Variants in ZNF721 observed in about 807,000 individuals in gnomAD.
The protein encoded by ZNF721 is zinc finger protein 721.
ZNF721 carries 2 observed loss-of-function variants against 2.4 expected under a neutral mutation model. The observed-to-expected ratio is 0.82, with a 90% confidence interval of 0.34 to 2.58. The LOEUF is 2.58. ZNF721 is among the 30% of genes most tolerant of loss of function. ZNF721 has a pLI of 0.11. For missense variants in ZNF721, 1,187 were observed against 1,085.5 expected (o/e 1.09, Z -1.31); for synonymous variants, 398 against 381.8 (o/e 1.04, Z -0.50).
At chr4:485,379 G>A (rs550249363) in intron 1 of ZNF721, among the ~76,000 whole-genome samples, 108 of 151,806 alleles carry the variant, frequency 7.1e-4, no homozygotes, top group African/African-American at 2.4e-3. Flanking sequence ...TATTCACCAC[G>A]GTCAGGCCAC....
At chr4:466,278 G>A (rs1553866764) in intron 2 of ZNF721, among the ~76,000 whole-genome samples, 1 of 152,168 alleles carries the variant, frequency 6.6e-6, no homozygotes, top group East Asian at 1.9e-4. Flanking sequence ...ATGTAATCCA[G>A]TACCTTTACT....
intron 1 of ZNF721, among the ~76,000 whole-genome samples, chr4:498,552 A>C (rs1026823436): frequency 6.6e-5 from 10 of 152,206 alleles, no homozygotes; most frequent in Non-Finnish European, 1.3e-4. Context: ...TTCAGCTCTA[A>C]TAAAAGAATG....
rs1248027472 is a variant in ZNF721, at chr4:440,044, G to A, written c.*1651C>T. 6.6e-6 allele frequency: 1 copy of A among 151,700 alleles called. No homozygotes were observed. The highest frequency in any genetic ancestry group is 1.5e-5 in the Non-Finnish European group (1 of 67,946). 9.4% of individuals were successfully genotyped at this position (151,700 alleles called of 1,614,324 possible). ...ATTAAGTTCACACATTATCTTAAGA[G>A]AATTTTAAAATTTACTGCATTTTAT... On this transcript the variant is annotated 3_prime_UTR_variant, in exon 3 of 3. Coordinates refer to ENST00000511833, the MANE Select transcript of ZNF721 (RefSeq NM_133474.4).
chr4:489,130 T>C (rs1715965481), intron 1 of ZNF721, among the ~76,000 whole-genome samples: 1 of 152,180 alleles, frequency 6.6e-6, no homozygotes, highest in Admixed American at 6.5e-5. Flanking sequence ...ATTTTGGTTT[T>C]AGCTTCACCC....
chr4:455,482 G>C (rs925625276), intron 2 of ZNF721, among the ~76,000 whole-genome samples: 1 of 152,128 alleles, frequency 6.6e-6, no homozygotes, highest in African/African-American at 2.4e-5. Flanking sequence ...CAGGAGAATC[G>C]TTTGAATCTG....
chr4:490,639 C>G (rs538031170), intron 1 of ZNF721, among the ~76,000 whole-genome samples: 4 of 152,184 alleles, frequency 2.6e-5, no homozygotes, highest in Admixed American at 2.0e-4. Flanking sequence ...GTGTCCTACT[C>G]AAAACACCAC....
Position 472,688 on chromosome 4 carries a change from A to G in ZNF721, c.-80T>C, listed in dbSNP as rs1302196928. 6.2e-7 allele frequency: 1 copy of G among 1,612,460 alleles called. No homozygotes were observed. The highest frequency in any genetic ancestry group is 1.3e-5 in the African/African-American group (1 of 74,786). ...AGAGAATTCTATGGCCACATCCCTG[A>G]ATGTTAAGGGTTCCTGAAAATACAT... On this transcript the variant is annotated 5_prime_UTR_variant, in exon 2 of 3. Coordinates refer to ENST00000511833, the MANE Select transcript of ZNF721 (RefSeq NM_133474.4).
chr4:464,817 C>T (rs973101851), intron 2 of ZNF721, among the ~76,000 whole-genome samples: 4 of 151,824 alleles, frequency 2.6e-5, no homozygotes, highest in Admixed American at 1.3e-4. Context: ...CGGTGGCTCA[C>T]GCCTGTAATC....
intron 1 of ZNF721, among the ~76,000 whole-genome samples, chr4:475,624 C>T (rs1715605561): frequency 6.6e-6 from 1 of 151,890 alleles, no homozygotes; most frequent in Non-Finnish European, 1.5e-5. Context: ...AGCTCCACAA[C>T]TACTAAAGTC....
In ZNF721 at chr4:443,723, G is replaced by C. The variant is rs1553863723; in HGVS notation, c.744C>G (p.Pro248=). ...CTTTGCCACATTCCTTACATTTGTAGGGTTTCTCTCCAGTATGAATTTTCT... is the reference window on the plus strand; with the variant it reads ...CTTTGCCACATTCCTTACATTTGTACGGTTTCTCTCCAGTATGAATTTTCT... ...KHEKIHTGEK[P]YKCKECGKVI... Residue 248 remains proline (P), a synonymous_variant, in exon 3 of 3, where the codon CCC becomes CCG. Coordinates refer to ENST00000511833, the MANE Select transcript of ZNF721 (RefSeq NM_133474.4). 6.2e-7 allele frequency: 1 copy of C among 1,613,754 alleles called. No homozygotes were observed. Among genetic ancestry groups the C allele is most frequent in the Non-Finnish European group, 8.5e-7 (1 of 1,179,918 alleles).
At chr4:477,946 G>C (rs1223328203) in intron 1 of ZNF721, among the ~76,000 whole-genome samples, 7 of 152,100 alleles carry the variant, frequency 4.6e-5, no homozygotes, top group Admixed American at 4.6e-4. Flanking sequence ...TCACAGACCT[G>C]GGCAGAAACT....
At chr4:481,338 G>A (rs1715765292) in intron 1 of ZNF721, among the ~76,000 whole-genome samples, 1 of 152,152 alleles carries the variant, frequency 6.6e-6, no homozygotes, top group Non-Finnish European at 1.5e-5. Flanking sequence ...TGACAACATT[G>A]ACTCCCTTTT....
At chr4:447,741 T>A (rs902533418) in intron 2 of ZNF721, among the ~76,000 whole-genome samples, 1 of 152,178 alleles carries the variant, frequency 6.6e-6, no homozygotes, top group Non-Finnish European at 1.5e-5. Context: ...ACAAAGTACA[T>A]CTTAAGTCAA....
chr4:485,952 C>T (rs1183051269), intron 1 of ZNF721, among the ~76,000 whole-genome samples: 3 of 151,778 alleles, frequency 2.0e-5, no homozygotes, highest in Non-Finnish European at 2.9e-5. Context: ...TCCAGCCTGG[C>T]GACAGAGCGA....
chr4:443,482 C>T lies in ZNF721; in HGVS notation c.985G>A (p.Gly329Arg), dbSNP rs1714349667. ...TCTCCACATGTGTAGGGTTTCTCTC[C>T]AGTATGAATTCTCCTATGTACATAA... is the stretch of plus-strand genomic sequence containing the variant. ...NLYVHRRIHTGEKPYTCGECG... is the reference protein window; with the variant it reads ...NLYVHRRIHTREKPYTCGECG... The change falls in exon 3 of 3, where the codon GGA (glycine) becomes AGA (arginine). Residue 329 changes from glycine (G) to arginine (R), a missense_variant. Physicochemically the swap from Gly to Arg is moderately radical, Grantham distance 125. Coordinates refer to ENST00000511833, the MANE Select transcript of ZNF721 (RefSeq NM_133474.4). 2.2e-5 allele frequency: 35 copies of T among 1,613,804 alleles called. No homozygotes were observed. Among genetic ancestry groups the T allele is most frequent in the Non-Finnish European group, 2.9e-5 (34 of 1,179,828 alleles).
At chr4:492,899 G>C (rs1576974925) in intron 1 of ZNF721, among the ~76,000 whole-genome samples, 1 of 149,844 alleles carries the variant, frequency 6.7e-6, no homozygotes, top group African/African-American at 2.4e-5. Context: ...AATAAGCTTT[G>C]AATTAGACAA....
chr4:471,076 AATG>A (rs1388238483), intron 2 of ZNF721, among the ~76,000 whole-genome samples: 1 of 152,174 alleles, frequency 6.6e-6, no homozygotes, highest in Non-Finnish European at 1.5e-5. Flanking sequence ...AAACAATAAT[AATG>A]ATGATAACCC....
At chr4:483,358 G>C (rs1715816280) in intron 1 of ZNF721, among the ~76,000 whole-genome samples, 1 of 152,110 alleles carries the variant, frequency 6.6e-6, no homozygotes, top group African/African-American at 2.4e-5. Flanking sequence ...GACCAGCCTG[G>C]CCAATATGGT....
chr4:442,900 G>A lies in ZNF721; in HGVS notation c.1567C>T (p.His523Tyr). 2 of 1,613,960 alleles carry A rather than the reference G, an allele frequency of 1.2e-6. No individual in the cohort carries two copies. The highest frequency in any genetic ancestry group is 1.3e-5 in the African/African-American group (1 of 75,022). ...STTLTKHRRI[H>Y]TGEKPYTCEV... ...CATGTGTAGGGTTTCTCTCCAGTAT[G>A]AATTCTCCTATGTTTAGTAAGGGTT... Residue 523 changes from histidine to tyrosine, a missense_variant, in exon 3 of 3, where the codon CAT becomes TAT. By Grantham distance (83) the His-to-Tyr change is moderately conservative. Transcript: ENST00000511833.
Sources: gnomAD v4.1 joint callset for allele counts (sites outside exome capture counted in the v4.1 genomes callset) on GRCh38, gnomAD v4.1.1 for gene constraint, MANE v1.5 for transcripts, NCBI Gene and HGNC (gene_info 2026-07-23, HGNC 2026-07-21) for gene names.